FBXL2: variants seen among roughly 807,000 people sequenced by gnomAD.
The protein encoded by FBXL2 is F-box/LRR-repeat protein 2.
A neutral mutation model predicts 69.2 loss-of-function variants in FBXL2; 38 were observed. The ratio of observed to expected loss-of-function variants is 0.55; its 90% confidence interval spans 0.42 to 0.72. The LOEUF is 0.72. FBXL2 is among the 30% of genes least tolerant of loss of function. The pLI, the probability that FBXL2 is intolerant of heterozygous loss-of-function variation, is 0.00. For synonymous variants in FBXL2, 192 were observed against 201.3 expected (o/e 0.95, Z 0.39); for missense variants, 354 against 520.3 (o/e 0.68, Z 3.11).
At chr3:33,340,926 G>A (rs537972433) in intron 2 of FBXL2, among the ~76,000 whole-genome samples, 84 of 148,778 alleles carry the variant, frequency 5.6e-4, no homozygotes, top group Non-Finnish European at 2.1e-4. Flanking sequence ...AAAAGAAGAG[G>A]AAGTATTTAA....
chr3:33,409,446 T>C, the FBXL2 span: 1 of 1,614,154 alleles, frequency 6.2e-7, no homozygotes, highest in Non-Finnish European at 8.5e-7. Flanking sequence ...TTCTCTGTCT[T>C]ACCTTAAAAA....
At chr3:33,408,054 T>C (rs1017215206), downstream of FBXL2, among the ~76,000 whole-genome samples, 1 of 152,068 alleles carries the variant, frequency 6.6e-6, no homozygotes, top group Non-Finnish European at 1.5e-5. Context: ...CAAGGTACAC[T>C]ACTTTGGCCT....
At chr3:33,399,392 A>AG (rs1441855662) in intron 12 of FBXL2, among the ~76,000 whole-genome samples, 4 of 152,120 alleles carry the variant, frequency 2.6e-5, no homozygotes, top group Non-Finnish European at 5.9e-5. Flanking sequence ...ACATTCCCTT[A>AG]GCTTACTGTG....
chr3:33,298,306 A>C (rs2035928396), intron 2 of FBXL2, among the ~76,000 whole-genome samples: 1 of 152,166 alleles, frequency 6.6e-6, no homozygotes, highest in African/African-American at 2.4e-5. Context: ...TTACTAAGTA[A>C]AGCTATCAGC....
intron 2 of FBXL2, among the ~76,000 whole-genome samples, chr3:33,305,847 A>G (rs565149015): frequency 5.1e-4 from 77 of 150,928 alleles, no homozygotes; most frequent in African/African-American, 1.6e-3. Flanking sequence ...CTGTCTTTTT[A>G]TTTTCTTTGT....
At chr3:33,392,217 T>C, downstream of FBXL2, 1 of 200,494 alleles carries the variant, frequency 5.0e-6, no homozygotes, top group Non-Finnish European at 1.0e-5. Context: ...ATTTTGTGTA[T>C]CTCTTGGCCA....
chr3:33,378,863 A>G (rs903098197), intron 13 of FBXL2, 122 bp downstream of exon 13: 1 of 1,556,156 alleles, frequency 6.4e-7, no homozygotes, highest in Non-Finnish European at 8.7e-7. Flanking sequence ...TCAAAAATCT[A>G]TTAATTGGGC....
chr3:33,378,446 T>G (rs1005660317), intron 12 of FBXL2, among the ~76,000 whole-genome samples: 6 of 152,180 alleles, frequency 3.9e-5, no homozygotes, highest in African/African-American at 1.4e-4. Flanking sequence ...GCCCACTCCC[T>G]CTTTGTCCCT....
intron 2 of FBXL2, among the ~76,000 whole-genome samples, chr3:33,343,948 G>A (rs1416238160): frequency 6.6e-6 from 1 of 151,802 alleles, no homozygotes; most frequent in African/African-American, 2.4e-5. Context: ...AAATATATAA[G>A]CATTTATAAG....
intron 2 of FBXL2, among the ~76,000 whole-genome samples, chr3:33,304,075 T>G (rs900641550): frequency 1.5e-4 from 23 of 152,058 alleles, no homozygotes; most frequent in Admixed American, 9.8e-4. Flanking sequence ...TTTCTAGAAA[T>G]TTACTAACAT....
At chr3:33,332,930 A>G (rs2039282550) in intron 2 of FBXL2, among the ~76,000 whole-genome samples, 1 of 152,252 alleles carries the variant, frequency 6.6e-6, no homozygotes, top group Non-Finnish European at 1.5e-5. Flanking sequence ...GGAAAGGACT[A>G]CGGATACATG....
intron 10 of FBXL2, among the ~76,000 whole-genome samples, chr3:33,376,081 G>A (rs111567228): frequency 0.069 from 10,518 of 151,818 alleles, 478 homozygotes; most frequent in East Asian, 0.098. Context: ...GCTTGAACCC[G>A]CGAGGCGGAG....
chr3:33,420,540 G>T, the FBXL2 span, among the ~76,000 whole-genome samples: 8 of 149,804 alleles, frequency 5.3e-5, no homozygotes, highest in African/African-American at 2.0e-4. Context: ...TCAGGCTGGA[G>T]TGCAGTGGCA....
In FBXL2 at chr3:33,375,584, G is replaced by C. The variant is rs192480307; in HGVS notation, c.788+166G>C. 1.3e-3 allele frequency among the ~76,000 whole-genome samples: 192 copies of C among 152,272 alleles called. 2 individuals carry two copies. The highest frequency in any genetic ancestry group is 4.4e-3 in the African/African-American group (184 of 41,564). Reference sequence around the variant, plus strand: ...TTGGGGTGGGGCGTGTATAAATCCAGTTCATTGGAGGATGTACTGGGAGAG... The same window carrying C: ...TTGGGGTGGGGCGTGTATAAATCCACTTCATTGGAGGATGTACTGGGAGAG... On this transcript the variant is annotated intron_variant, in intron 10 of 14. Transcript: ENST00000484457.
Position 33,381,000 on chromosome 3 carries a change from C to G in FBXL2, c.951+2259C>G, listed in dbSNP as rs536036817. On this transcript the variant is annotated intron_variant, in intron 13 of 14. Transcript: ENST00000484457. The stretch of plus-strand genomic sequence containing the variant: ...CTCTGCAGAATTGGCCCGAACCAGA[C>G]AGCTTTGACTATTGACTACGTTGTT... Among the ~76,000 whole-genome samples, 10 of 152,306 alleles carry G rather than the reference C, an allele frequency of 6.6e-5. No individual in the cohort carries two copies. The South Asian group carries it at 1.9e-3, about 28-fold the overall frequency.
downstream of FBXL2, chr3:33,392,635 C>T (rs775482794): frequency 4.2e-5 from 67 of 1,594,144 alleles, no homozygotes; most frequent in Non-Finnish European, 5.1e-5. Flanking sequence ...AAAGTAAATG[C>T]GTAAGTACAA....
At chr3:33,322,213 G>T (rs2125798971) in intron 2 of FBXL2, among the ~76,000 whole-genome samples, 1 of 151,738 alleles carries the variant, frequency 6.6e-6, no homozygotes, top group South Asian at 2.1e-4. Flanking sequence ...GAGTAGCTGG[G>T]ACTACCGGTG....
chr3:33,363,657 G>A (rs2041776268), intron 4 of FBXL2, among the ~76,000 whole-genome samples: 1 of 152,164 alleles, frequency 6.6e-6, no homozygotes, highest in African/African-American at 2.4e-5. Flanking sequence ...GTTTGCTACT[G>A]ACATAAATCA....
chr3:33,370,189 C>T (rs995779967), intron 5 of FBXL2, among the ~76,000 whole-genome samples: 9 of 151,426 alleles, frequency 5.9e-5, no homozygotes, highest in Non-Finnish European at 8.8e-5. Context: ...CTGAGGCGGG[C>T]GGATCATGAG....
Sources: allele counts gnomAD v4.1 joint callset (sites outside exome capture counted in the v4.1 genomes callset), GRCh38; gene constraint gnomAD v4.1.1; transcripts MANE v1.5; gene names NCBI Gene and HGNC (gene_info 2026-07-23, HGNC 2026-07-21).